SNAP91: variants seen among roughly 807,000 people sequenced by gnomAD.
SNAP91 encodes the protein clathrin coat assembly protein AP180.
Under a neutral mutation model 100.3 loss-of-function variants are expected in SNAP91, and 27 were observed. The observed-to-expected ratio is 0.27, with a 90% CI of 0.20 to 0.37. The LOEUF (loss-of-function observed/expected upper bound fraction) is 0.37, where lower values mean the gene tolerates loss of function less well. Ranked by LOEUF, SNAP91 falls within the 10% of genes least tolerant of loss-of-function variation. SNAP91 has a pLI of 1.00. For synonymous variants in SNAP91, 404 were observed against 398.6 expected (o/e 1.01, Z -0.16); for missense variants, 986 against 1,123.7 (o/e 0.88, Z 1.75).
At chr6:83,564,044 AAAACAGTTTTG>A (rs1393950226) in intron 26 of SNAP91, among the ~76,000 whole-genome samples, 1 of 152,182 alleles carries the variant, frequency 6.6e-6, no homozygotes, top group Non-Finnish European at 1.5e-5. Flanking sequence ...CAGGATAGCC[AAAACAGTTTTG>A]AAAAAGAACA....
chr6:83,687,034 T>C (rs2099069779), intron 2 of SNAP91, among the ~76,000 whole-genome samples: 2 of 152,294 alleles, frequency 1.3e-5, no homozygotes, highest in South Asian at 2.1e-4. Flanking sequence ...TACTGAGAAA[T>C]GGACATAATA....
intron 2 of SNAP91, among the ~76,000 whole-genome samples, chr6:83,682,730 G>A (rs534092092): frequency 7.4e-5 from 7 of 94,382 alleles, no homozygotes; most frequent in East Asian, 5.7e-4. Context: ...GTATCCCTCC[G>A]CCCTCCCCGC....
chr6:83,581,490 T>C (rs565385033), intron 23 of SNAP91, among the ~76,000 whole-genome samples: 3 of 152,360 alleles, frequency 2.0e-5, no homozygotes, highest in African/African-American at 4.8e-5. Context: ...GTTGCTAATA[T>C]GTTATCTATG....
intron 22 of SNAP91, among the ~76,000 whole-genome samples, 183 bp downstream of exon 22, chr6:83,591,028 G>C (rs937613469): frequency 1.3e-5 from 2 of 152,104 alleles, no homozygotes; most frequent in African/African-American, 2.4e-5. Flanking sequence ...GATTGATCCT[G>C]TCACCCAAGT....
At position 83,559,942 on chromosome 6, in the gene SNAP91, C is replaced by A. The variant is rs1416227533; in HGVS notation, c.2631+162G>T. ...GTTATTTCCATCACTTTTTCCCCCC[C>A]AAATCTCACTTTTGCAGATCTGTCT... On this transcript the variant is annotated intron_variant, in intron 28 of 29. Transcript: ENST00000369694. Among the ~76,000 whole-genome samples the A allele has an allele frequency of 2.6e-5, 4 of 152,274 alleles. 1 individual carries two copies. Among genetic ancestry groups the A allele is most frequent in the Middle Eastern group, 6.8e-3 (2 of 294 alleles).
intron 28 of SNAP91, among the ~76,000 whole-genome samples, chr6:83,559,688 A>T (rs1278792614): frequency 8.6e-6 from 1 of 115,882 alleles, no homozygotes; most frequent in African/African-American, 3.1e-5. Context: ...CAGACTTTGC[A>T]GTTTGGCAAA....
In SNAP91 at chr6:83,707,340, T is replaced by C. The variant is rs111348170; in HGVS notation, c.130+458A>G. 7.8e-3 allele frequency among the ~76,000 whole-genome samples: 1,186 copies of C among 151,480 alleles called. 18 individuals are homozygous for C. Among genetic ancestry groups the C allele is most frequent in the African/African-American group, 0.028 (1,136 of 41,258 alleles). On this transcript the variant is annotated intron_variant, in intron 2 of 29. Coordinates refer to ENST00000369694, the MANE Select transcript of SNAP91 (RefSeq NM_001242792.2). ...TAAAAAGATTATACTACCTTAGAAC[T>C]ATCTGAAATGTATTTAGGAAAGAAC...
intron 22 of SNAP91, among the ~76,000 whole-genome samples, chr6:83,587,350 A>G (rs1472999068): frequency 1.3e-5 from 2 of 152,256 alleles, no homozygotes; most frequent in Admixed American, 6.5e-5. Context: ...CAGTGTCTGC[A>G]TATTATTTTT....
rs149820659 is a variant in SNAP91, at chr6:83,607,625, G to T, written c.1022+74C>A. On this transcript the variant is annotated intron_variant, in intron 13 of 29. Coordinates refer to ENST00000369694, the MANE Select transcript of SNAP91 (RefSeq NM_001242792.2). ...GATTTCCTTTGGTGAAATCATTTGG[G>T]TACAGCACATAAAAATAAAACCAAA... The T allele has an allele frequency of 1.8e-4, 168 of 914,510 alleles. 2 individuals are homozygous for T. In the African/African-American group the frequency reaches 2.3e-3, roughly 13 times the overall value. 56.6% of individuals were successfully genotyped at this position (914,510 alleles called of 1,614,324 possible).
chr6:83,623,626 T>G (rs914400471), intron 8 of SNAP91, among the ~76,000 whole-genome samples: 1 of 152,214 alleles, frequency 6.6e-6, no homozygotes, highest in Admixed American at 6.5e-5. Context: ...ATGGTATCCT[T>G]AGTTAACAGA....
At chr6:83,671,851 T>C (rs899230279) in intron 2 of SNAP91, among the ~76,000 whole-genome samples, 2 of 152,108 alleles carry the variant, frequency 1.3e-5, no homozygotes, top group Non-Finnish European at 2.9e-5. Flanking sequence ...TAGGAAAAGA[T>C]AGCTGTTTAT....
In SNAP91 at chr6:83,614,992, A is replaced by G. The variant is rs115523055; in HGVS notation, c.879-130T>C. ...TGGTTTTAGCCAATTCAGAAGAGAA[A>G]TATGACAAGCATAAAATGATTTTAA... On this transcript the variant is annotated intron_variant, in intron 10 of 29. Coordinates refer to ENST00000369694, the MANE Select transcript of SNAP91 (RefSeq NM_001242792.2). 1,675 of 560,122 alleles carry G rather than the reference A, an allele frequency of 3.0e-3. 21 individuals are homozygous for G. The highest frequency in any genetic ancestry group is 0.028 in the African/African-American group (1,452 of 52,550). The allele number at this position is 560,122 out of a possible 1,614,324, so 34.7% of individuals were successfully genotyped here. A position where few individuals can be genotyped will look rare whatever the true frequency, so the allele number is the denominator to read the frequency against.
intron 10 of SNAP91, among the ~76,000 whole-genome samples, chr6:83,615,263 G>A (rs559733698): frequency 2.9e-4 from 44 of 152,278 alleles, no homozygotes; most frequent in Non-Finnish European, 3.5e-4. Flanking sequence ...ACAAGGGAAG[G>A]GTGTGGCCCT....
At chr6:83,607,874 C>G (rs1187033964) in intron 12 of SNAP91, 66 bp from the exon 13 acceptor site, 2 of 897,702 alleles carry the variant, frequency 2.2e-6, no homozygotes, top group African/African-American at 3.5e-5. Context: ...GGCAGCAGGA[C>G]TTTTCTTTGT....
chr6:83,626,308 G>A (rs1430260935), intron 8 of SNAP91, among the ~76,000 whole-genome samples: 2 of 151,946 alleles, frequency 1.3e-5, no homozygotes, highest in Admixed American at 6.6e-5. Flanking sequence ...TTCTGGCTTC[G>A]TTCTTTTTGC....
At chr6:83,561,166 C>T (rs1422620886) in intron 26 of SNAP91, among the ~76,000 whole-genome samples, 1 of 152,194 alleles carries the variant, frequency 6.6e-6, no homozygotes, top group East Asian at 1.9e-4. Context: ...CTTCAGCCTA[C>T]TGAATAGCTG....
chr6:83,651,095 A>G lies in SNAP91; in HGVS notation c.658+5659T>C, dbSNP rs117311463. Among the ~76,000 whole-genome samples the G allele has an allele frequency of 7.6e-3, 1,155 of 152,218 alleles. 33 individuals carry two copies. The East Asian group carries it at 0.086, about 11-fold the overall frequency. The stretch of plus-strand genomic sequence containing the variant: ...TCTTTTTAACATCCATAAGATCTGT[A>G]GTGGTCTCCCCTCTTTAATTTCTGT... On this transcript the variant is annotated intron_variant, in intron 7 of 29. Coordinates refer to ENST00000369694, the MANE Select transcript of SNAP91 (RefSeq NM_001242792.2).
intron 26 of SNAP91, among the ~76,000 whole-genome samples, chr6:83,571,190 C>T (rs752345875): frequency 6.6e-6 from 1 of 151,852 alleles, no homozygotes; most frequent in African/African-American, 2.4e-5. Context: ...CTGCAACCTG[C>T]GCCTCCCAGG....
In SNAP91 at chr6:83,664,934, G is replaced by A. The variant is rs147425836; in HGVS notation, c.273+505C>T. On this transcript the variant is annotated intron_variant, in intron 3 of 29. Coordinates refer to ENST00000369694, the MANE Select transcript of SNAP91 (RefSeq NM_001242792.2). ...CAGCAACCACCATCCTAATCAGTCA[G>A]CAGCCATCAATATCAGGGCAAGACC... is the stretch of plus-strand genomic sequence containing the variant. 1.3e-3 allele frequency among the ~76,000 whole-genome samples: 198 copies of A among 152,202 alleles called. 2 individuals are homozygous for A. Among genetic ancestry groups the A allele is most frequent in the African/African-American group, 4.4e-3 (184 of 41,552 alleles).
Sources: gnomAD v4.1 joint callset for allele counts (sites outside exome capture counted in the v4.1 genomes callset) on GRCh38, gnomAD v4.1.1 for gene constraint, MANE v1.5 for transcripts, NCBI Gene and HGNC (gene_info 2026-07-23, HGNC 2026-07-21) for gene names.